The following CD96 variants were observed in gnomAD, a reference collection of about 807,000 sequenced individuals.
The protein encoded by CD96 is CD96 molecule, also known as T-cell surface protein tactile.
Under a neutral mutation model 71.3 loss-of-function variants are expected in CD96, and 70 were observed. The observed-to-expected ratio is 0.98, with a 90% CI of 0.81 to 1.20. The LOEUF (loss-of-function observed/expected upper bound fraction) is 1.20. Among genes scored for constraint, CD96 ranks in the 50% most tolerant of loss-of-function variants. The pLI is 0.00. For synonymous variants in CD96, 248 were observed against 233.0 expected, an observed-to-expected ratio of 1.06 and a Z score of -0.59; for missense variants, 742 against 677.5, an observed-to-expected ratio of 1.10 and a Z score of -1.06.
rs1937154256 is a variant in CD96, at chr3:111,594,334, T to C, written c.808-3786T>C. ...GGGATTCACAATAATGGCCAAAGTC[T>C]GGCCACACCTGGGTGGTGTGAGGTT... On this transcript the variant is annotated intron_variant, in intron 5 of 13. Coordinates refer to ENST00000352690, the MANE Select transcript of CD96 (RefSeq NM_005816.5). The C allele has an allele frequency of 4.5e-6, 5 of 1,104,576 alleles. No homozygotes were observed. In the South Asian group the frequency reaches 8.6e-5, roughly 19 times the overall value. The allele number at this position is 1,104,576 out of a possible 1,614,324, so 68.4% of individuals were successfully genotyped here.
chr3:111,588,106 A>G (rs551242499), intron 5 of CD96, among the ~76,000 whole-genome samples: 1 of 152,182 alleles, frequency 6.6e-6, no homozygotes, highest in Non-Finnish European at 1.5e-5. Flanking sequence ...TTTCTTTTCT[A>G]TCACATTGTC....
intron 8 of CD96, among the ~76,000 whole-genome samples, chr3:111,616,505 C>T (rs557227756): frequency 3.3e-5 from 5 of 151,966 alleles, no homozygotes; most frequent in Admixed American, 2.0e-4. Flanking sequence ...TGGGTGGTTG[C>T]GTGCTAGACA....
At chr3:111,564,512 T>A (rs1406710464) in intron 2 of CD96, among the ~76,000 whole-genome samples, 1 of 152,140 alleles carries the variant, frequency 6.6e-6, no homozygotes, top group South Asian at 2.1e-4. Context: ...TCGTTACCTA[T>A]GTTTTGTAAG....
At chr3:111,647,375 A>G (rs1939880131) in intron 12 of CD96, among the ~76,000 whole-genome samples, 168 bp from the exon 13 acceptor site, 1 of 152,178 alleles carries the variant, frequency 6.6e-6, no homozygotes, top group Admixed American at 6.5e-5. Flanking sequence ...TTAACTCTTA[A>G]AAGTTATCAC....
chr3:111,650,070 A>G lies in CD96; in HGVS notation c.*264A>G. Reference sequence around the variant, plus strand: ...CTTGCTTATGTAAGAAGTACATATTAGTCTGCCATCTTTAAAAAAAAATAC... The same window carrying G: ...CTTGCTTATGTAAGAAGTACATATTGGTCTGCCATCTTTAAAAAAAAATAC... On this transcript the variant is annotated 3_prime_UTR_variant, in exon 14 of 14. Coordinates refer to ENST00000352690, the MANE Select transcript of CD96 (RefSeq NM_005816.5). The G allele has an allele frequency of 2.2e-6, 1 of 459,814 alleles. No individual in the cohort carries two copies. Among genetic ancestry groups the G allele is most frequent in the Non-Finnish European group, 4.0e-6 (1 of 248,804 alleles). 28.5% of individuals were successfully genotyped at this position (459,814 alleles called of 1,614,324 possible).
intron 2 of CD96, among the ~76,000 whole-genome samples, chr3:111,561,447 G>A (rs1380084119): frequency 7.1e-6 from 1 of 140,012 alleles, no homozygotes; most frequent in Non-Finnish European, 1.6e-5. Flanking sequence ...CTCAGCTGCA[G>A]GTCTGTTGGA....
intron 4 of CD96, chr3:111,579,508 C>T: frequency 2.1e-6 from 1 of 486,422 alleles, no homozygotes; most frequent in Non-Finnish European, 3.8e-6. Flanking sequence ...ATACCTGAAA[C>T]TGAGTAATTT....
chr3:111,571,319 T>A (rs1019977019), intron 3 of CD96, among the ~76,000 whole-genome samples: 1 of 151,150 alleles, frequency 6.6e-6, no homozygotes, highest in African/African-American at 2.4e-5. Flanking sequence ...TGAATTAATT[T>A]ATTTCTATTT....
chr3:111,562,859 C>T (rs1476536950), intron 2 of CD96, among the ~76,000 whole-genome samples: 1 of 152,220 alleles, frequency 6.6e-6, no homozygotes, highest in Non-Finnish European at 1.5e-5. Context: ...TTTCCAGGAT[C>T]TCCATGTTAA....
At chr3:111,571,611 G>A (rs1289160629) in intron 3 of CD96, among the ~76,000 whole-genome samples, 1 of 152,108 alleles carries the variant, frequency 6.6e-6, no homozygotes, top group African/African-American at 2.4e-5. Context: ...AGAACCTCAA[G>A]CCATGCTGCC....
intron 2 of CD96, among the ~76,000 whole-genome samples, chr3:111,551,994 A>AGTG (rs1036024078): frequency 1.1e-4 from 16 of 152,098 alleles, no homozygotes; most frequent in African/African-American, 3.6e-4. Context: ...AGCCATTCTG[A>AGTG]GTGGTGCAAG....
At chr3:111,570,980 A>G (rs721336) in intron 3 of CD96, 1,065,532 of 1,521,788 alleles carry the variant, frequency 0.7, 373,265 homozygotes, top group Admixed American at 0.71. Context: ...CCAGAGTGAA[A>G]AGCTGGGAGG....
At chr3:111,587,794 G>A (rs574787606) in intron 5 of CD96, among the ~76,000 whole-genome samples, 2 of 152,300 alleles carry the variant, frequency 1.3e-5, no homozygotes, top group East Asian at 1.9e-4. Context: ...CCAAGGCTTG[G>A]GACTTCCACC....
intron 8 of CD96, among the ~76,000 whole-genome samples, chr3:111,621,072 A>G (rs867454716): frequency 7.9e-5 from 12 of 152,234 alleles, no homozygotes; most frequent in African/African-American, 2.9e-4. Flanking sequence ...GCCAGCACCC[A>G]GTGTGGGCAA....
chr3:111,639,767 C>T (rs1320062161), intron 12 of CD96, among the ~76,000 whole-genome samples: 1 of 152,172 alleles, frequency 6.6e-6, no homozygotes, highest in African/African-American at 2.4e-5. Context: ...GCACTGGTAT[C>T]CATGGCTGAG....
intron 1 of CD96, among the ~76,000 whole-genome samples, chr3:111,543,811 TG>T (rs1395896158): frequency 2.0e-5 from 3 of 152,198 alleles, no homozygotes; most frequent in Non-Finnish European, 4.4e-5. Flanking sequence ...CAAGATTGAC[TG>T]GTTAAGATAA....
At chr3:111,577,124 C>CA (rs1936254393) in intron 3 of CD96, among the ~76,000 whole-genome samples, 1 of 152,200 alleles carries the variant, frequency 6.6e-6, no homozygotes, top group South Asian at 2.1e-4. Flanking sequence ...CACCTAGTCA[C>CA]AATCTGCTAT....
At chr3:111,604,119 G>C (rs546365130) in intron 7 of CD96, among the ~76,000 whole-genome samples, 198 of 152,176 alleles carry the variant, frequency 1.3e-3, no homozygotes, top group Non-Finnish European at 2.1e-3. Flanking sequence ...CCTGGGATTT[G>C]GCTTACTTCT....
At chr3:111,545,936 C>T (rs953728377) in intron 2 of CD96, among the ~76,000 whole-genome samples, 1 of 151,894 alleles carries the variant, frequency 6.6e-6, no homozygotes, top group East Asian at 1.9e-4. Context: ...CATAAGAAGA[C>T]ATGGAAGTAT....
Sources: gnomAD v4.1 joint callset for allele counts (sites outside exome capture counted in the v4.1 genomes callset) on GRCh38, gnomAD v4.1.1 for gene constraint, MANE v1.5 for transcripts, NCBI Gene and HGNC (gene_info 2026-07-23, HGNC 2026-07-21) for gene names.